Variants in KLHL24 observed in about 807,000 individuals in gnomAD.
KLHL24 encodes the protein kelch like family member 24, also known as kelch-like protein 24.
A neutral mutation model predicts 53.4 loss-of-function variants in KLHL24; 29 were observed. The ratio of observed to expected loss-of-function variants is 0.54; its 90% CI spans 0.40 to 0.74. The LOEUF (loss-of-function observed/expected upper bound fraction) is 0.74. KLHL24 is among the 30% of genes least tolerant of loss of function. The pLI is 0.00. For missense variants in KLHL24, 504 were observed against 744.0 expected (o/e 0.68, Z 3.75); for synonymous variants, 222 against 253.7 (o/e 0.88, Z 1.19).
intron 1 of KLHL24, among the ~76,000 whole-genome samples, chr3:183,639,866 C>T (rs1325197787): frequency 8.5e-6 from 1 of 117,640 alleles, no homozygotes; most frequent in Non-Finnish European, 1.7e-5. Context: ...ACAAACAAAC[C>T]CAGAAAATAT....
chr3:183,672,036 T>C (rs993619132), intron 6 of KLHL24, among the ~76,000 whole-genome samples: 23 of 152,210 alleles, frequency 1.5e-4, no homozygotes, highest in African/African-American at 5.1e-4. Context: ...CTGTTAATTT[T>C]AGTGGACAAA....
chr3:183,670,891 C>G, intron 5 of KLHL24, 143 bp from the exon 6 acceptor site: 1 of 608,770 alleles, frequency 1.6e-6, no homozygotes, highest in Non-Finnish European at 2.9e-6. Context: ...TTAAAAGGTT[C>G]AGAAACTCTG....
At chr3:183,672,577 A>G in intron 7 of KLHL24, 93 bp downstream of exon 7, 13 of 979,338 alleles carry the variant, frequency 1.3e-5, no homozygotes, top group Non-Finnish European at 1.6e-5. Context: ...ATTTTAAAAT[A>G]TTTCAGGCTG....
At position 183,672,396 on chromosome 3, in the gene KLHL24, A is replaced by G; in HGVS notation, c.1514A>G (p.Tyr505Cys). ...ITAVSLNNLIYVAGGLTKAIY... is the reference protein window; with the variant it reads ...ITAVSLNNLICVAGGLTKAIY... ...GCTGTATCCCTAAACAACCTGATCT[A>G]TGTTGCCGGTGGACTGACCAAGGCA... The change falls in exon 7 of 8, where the codon TAT (tyrosine) becomes TGT (cysteine). Residue 505 changes from tyrosine to cysteine, a missense_variant. Coordinates refer to ENST00000242810, the MANE Select transcript of KLHL24 (RefSeq NM_017644.3). The G allele has an allele frequency of 1.9e-6, 3 of 1,613,792 alleles. No individual in the cohort carries two copies. Among genetic ancestry groups the G allele is most frequent in the Non-Finnish European group, 2.5e-6 (3 of 1,179,816 alleles).
chr3:183,671,060 G>A lies in KLHL24; in HGVS notation c.1251G>A (p.Gly417=). 8 of 1,613,560 alleles carry A rather than the reference G, an allele frequency of 5.0e-6. No homozygotes were observed. The highest frequency in any genetic ancestry group is 6.8e-6 in the Non-Finnish European group (8 of 1,179,648). Residue 417 remains glycine, a synonymous_variant, in exon 6 of 8, where the codon GGG becomes GGA. Coordinates refer to ENST00000242810, the MANE Select transcript of KLHL24 (RefSeq NM_017644.3). ...TATATGTTGTCGGTGGCTATGATGG[G>A]CAAAACAGACTTAGCAGCGTAGAAT... ...GKVYVVGGYD[G]QNRLSSVECY...
rs1560191779 is a variant in KLHL24, at chr3:183,679,384, C to T, written c.*98C>T. 1.3e-6 allele frequency: 1 copy of T among 753,038 alleles called. No homozygotes were observed. Among genetic ancestry groups the T allele is most frequent in the Non-Finnish European group, 2.2e-6 (1 of 464,402 alleles). 46.6% of individuals were successfully genotyped at this position (753,038 alleles called of 1,614,324 possible). A position where few individuals can be genotyped will look rare whatever the true frequency, so the allele number is the denominator to read the frequency against. ...TCACATATCTCCTTTGTGCCATATGCAAAAAATAGTAAAAATAATAATTTG... is the reference window on the plus strand; with the variant it reads ...TCACATATCTCCTTTGTGCCATATGTAAAAAATAGTAAAAATAATAATTTG... On this transcript the variant is annotated 3_prime_UTR_variant, in exon 8 of 8. Coordinates refer to ENST00000242810, the MANE Select transcript of KLHL24 (RefSeq NM_017644.3).
At chr3:183,668,429 G>A (rs2108863432) in intron 5 of KLHL24, among the ~76,000 whole-genome samples, 1 of 152,194 alleles carries the variant, frequency 6.6e-6, no homozygotes, top group African/African-American at 2.4e-5. Flanking sequence ...TACACAGCAA[G>A]TACTCAATTC....
At chr3:183,651,945 C>CAAA (rs58223453) in intron 3 of KLHL24, among the ~76,000 whole-genome samples, 6,655 of 142,578 alleles carry the variant, frequency 0.047, 203 homozygotes, top group Non-Finnish European at 0.062. Context: ...GACTCTGTCT[C>CAAA]AAAAAAAAAA....
Position 183,651,035 on chromosome 3 carries a change from G to C in KLHL24, c.679G>C (p.Glu227Gln). Residue 227 changes from glutamate (E) to glutamine (Q), a missense_variant, in exon 3 of 8, where the codon GAG becomes CAG. Coordinates refer to ENST00000242810, the MANE Select transcript of KLHL24 (RefSeq NM_017644.3). The part of the protein sequence containing the change: ...CSDELVIGKE[E>Q]MVFEAVMRWV... ...TGATGAACTTGTTATTGGTAAAGAG[G>C]AGATGGTTTTTGAAGCCGTCATGCG... The C allele has an allele frequency of 6.2e-7, 1 of 1,614,182 alleles. No homozygotes were observed. Among genetic ancestry groups the C allele is most frequent in the Non-Finnish European group, 8.5e-7 (1 of 1,180,004 alleles).
At position 183,647,579 on chromosome 3, in the gene KLHL24, C is replaced by T. The variant is rs374967180; in HGVS notation, c.-61-2717C>T. 1.5e-4 allele frequency among the ~76,000 whole-genome samples: 23 copies of T among 150,948 alleles called. 1 individual carries two copies. Among genetic ancestry groups the T allele is most frequent in the Admixed American group, 5.3e-4 (8 of 15,166 alleles). ...ACAAAAAATTATCCAGGCGTGCTGG[C>T]GCGTGCCTGTAGTCCCAGCTACTTG... On this transcript the variant is annotated intron_variant, in intron 2 of 7. Coordinates refer to ENST00000242810, the MANE Select transcript of KLHL24 (RefSeq NM_017644.3).
rs559292526 is a variant in KLHL24 at position 183,656,007 on chromosome 3, C to T, written c.920+4731C>T. On this transcript the variant is annotated intron_variant, in intron 3 of 7. Coordinates refer to ENST00000242810, the MANE Select transcript of KLHL24 (RefSeq NM_017644.3). The stretch of plus-strand genomic sequence containing the variant: ...TGATATTATATAACTGCACTACATC[C>T]TCTGCCTTTATTCAGAGTGCCCTTA... 6.0e-5 allele frequency among the ~76,000 whole-genome samples: 9 copies of T among 150,348 alleles called. No individual in the cohort carries two copies. The South Asian group carries it at 1.3e-3, about 21-fold the overall frequency.
At chr3:183,672,637 G>A (rs1721487508) in intron 7 of KLHL24, 153 bp downstream of exon 7, 5 of 455,122 alleles carry the variant, frequency 1.1e-5, no homozygotes, top group Non-Finnish European at 1.9e-5. Context: ...GGCCGAGGTG[G>A]ATAGATCACT....
intron 3 of KLHL24, among the ~76,000 whole-genome samples, chr3:183,656,914 A>AG (rs1363606594): frequency 2.5e-5 from 3 of 119,206 alleles, no homozygotes; most frequent in Admixed American, 7.6e-5. Flanking sequence ...GGAAAAAAAA[A>AG]AAAAGACAAA....
At chr3:183,675,756 G>A (rs1430657708) in intron 7 of KLHL24, among the ~76,000 whole-genome samples, 1 of 150,692 alleles carries the variant, frequency 6.6e-6, no homozygotes, top group African/African-American at 2.4e-5. Context: ...GACACAGTGA[G>A]ACCCTGTCTC....
intron 2 of KLHL24, among the ~76,000 whole-genome samples, chr3:183,646,505 G>A (rs1717269586): frequency 6.6e-6 from 1 of 151,756 alleles, no homozygotes; most frequent in Admixed American, 6.6e-5. Context: ...GACTTTACCT[G>A]CACATTTGGG....
rs1011737401 is a variant in KLHL24 at position 183,650,096 on chromosome 3, C to G, written c.-61-200C>G. On this transcript the variant is annotated intron_variant, in intron 2 of 7. Transcript: ENST00000242810. This position sits in a 1 kb window ranked among gnomAD's most constrained non-coding sequence, Gnocchi z 4.5. ...CTAGAAAAGGGGAGCTTAAGGAGTA[C>G]TATTGCAAATTACCCCAATGTTCTA... is the stretch of plus-strand genomic sequence containing the variant. Among the ~76,000 whole-genome samples the G allele has an allele frequency of 1.3e-5, 2 of 152,122 alleles. No individual in the cohort carries two copies. Among genetic ancestry groups the G allele is most frequent in the African/African-American group, 4.8e-5 (2 of 41,414 alleles).
intron 3 of KLHL24, among the ~76,000 whole-genome samples, chr3:183,656,059 T>TTTTTTTTTTTC (rs1178459038): frequency 7.4e-6 from 1 of 135,684 alleles, no homozygotes; most frequent in African/African-American, 2.8e-5. Flanking sequence ...TTTTTTTTTT[T>TTTTTTTTTTTC]TTTCTGAGAC....
intron 4 of KLHL24, among the ~76,000 whole-genome samples, chr3:183,664,427 G>A (rs1023414730): frequency 2.6e-5 from 4 of 152,016 alleles, no homozygotes; most frequent in Admixed American, 2.0e-4. Context: ...CTTGTACAAA[G>A]TATAACTATA....
intron 2 of KLHL24, among the ~76,000 whole-genome samples, chr3:183,644,334 A>T (rs1249593525): frequency 6.6e-6 from 1 of 152,002 alleles, no homozygotes; most frequent in Admixed American, 6.6e-5. Context: ...CACTCCTAAG[A>T]TGCCCTCCTG....
Sources: gnomAD v4.1 joint callset for allele counts (sites outside exome capture counted in the v4.1 genomes callset) on GRCh38, gnomAD v4.1.1 for gene constraint, Gnocchi (gnomAD v3.1) non-coding constraint, MANE v1.5 for transcripts, NCBI Gene and HGNC (gene_info 2026-07-23, HGNC 2026-07-21) for gene names.